Variants in MYH14 observed in about 807,000 individuals in gnomAD.
MYH14 encodes myosin-14.
MYH14 carries 123 observed loss-of-function variants against 255.5 expected under a neutral mutation model. The ratio of observed to expected loss-of-function variants is 0.48; its 90% CI spans 0.42 to 0.56. MYH14 has a LOEUF of 0.56. Among genes scored for constraint, MYH14 ranks in the 20% least tolerant of loss-of-function variants. MYH14 has a pLI of 0.00. For missense variants in MYH14, 2,423 were observed against 2,802.3 expected, an observed-to-expected ratio of 0.86 and a Z score of 3.06; for synonymous variants, 1,095 against 1,161.2, an observed-to-expected ratio of 0.94 and a Z score of 1.16.
intron 39 of MYH14, among the ~76,000 whole-genome samples, chr19:50,300,757 TAATAA>T (rs1395962921): frequency 6.6e-6 from 1 of 152,002 alleles, no homozygotes; most frequent in Non-Finnish European, 1.5e-5. Context: ...TCTAAATAAA[TAATAA>T]AATAAAATAA....
chr19:50,209,577 G>T (rs1457142960), intron 1 of MYH14, among the ~76,000 whole-genome samples: 2 of 151,978 alleles, frequency 1.3e-5, no homozygotes, highest in Non-Finnish European at 2.9e-5. Context: ...CAGGTCAGGG[G>T]ATCGAGACCA....
chr19:50,276,935 C>T lies in MYH14; in HGVS notation c.3825+34C>T, dbSNP rs1463460115. 1.4e-6 allele frequency: 2 copies of T among 1,427,088 alleles called. No individual in the cohort carries two copies. The highest frequency in any genetic ancestry group is 1.9e-6 in the Non-Finnish European group (2 of 1,037,860). The allele number at this position is 1,427,088 out of a possible 1,614,324, so 88.4% of individuals were successfully genotyped here. Reference sequence around the variant, plus strand: ...GGGCAGGGGGACAGGGCAGGGGGGCCACGGGGAGGGCAGGGCAGGACGCGG... The same window carrying T: ...GGGCAGGGGGACAGGGCAGGGGGGCTACGGGGAGGGCAGGGCAGGACGCGG... On this transcript the variant is annotated intron_variant, in intron 29 of 42. Transcript: ENST00000642316. This position sits in a 1 kb window ranked among gnomAD's most constrained non-coding sequence, Gnocchi z 4.3.
intron 39 of MYH14, among the ~76,000 whole-genome samples, chr19:50,295,005 GTTTTTTTTTTT>G (rs1195396880): frequency 7.0e-6 from 1 of 143,070 alleles, no homozygotes; most frequent in Non-Finnish European, 1.5e-5. Context: ...AAGAGATTAA[GTTTTTTTTTTT>G]TTTTTTTTTT....
chr19:50,268,218 G>A lies in MYH14; in HGVS notation c.2884G>A (p.Ala962Thr). The part of the protein sequence containing the change: ...EQLRAEAELC[A>T]EAEETRGRLA... ...ATTGCGAGCAGAGGCAGAACTGTGT[G>A]CAGAGGCCGAGGAGACGCGGGGGAG... Residue 962 changes from alanine (A) to threonine (T), a missense_variant, in exon 24 of 43, where the codon GCA becomes ACA. Around this residue, in one of 3 missense-constraint regions of MYH14, gnomAD observed 1,513 missense variants for 1,674.8 expected, o/e 0.90. Coordinates refer to ENST00000642316, the MANE Select transcript of MYH14 (RefSeq NM_001145809.2). 6.4e-7 allele frequency: 1 copy of A among 1,558,792 alleles called. No individual in the cohort carries two copies.
rs1482447029 is a variant in MYH14 at position 50,252,760 on chromosome 19, A to C, written c.1945+7A>C. On this transcript the variant is annotated splice_region_variant and intron_variant, in intron 16 of 42. Coordinates refer to ENST00000642316, the MANE Select transcript of MYH14 (RefSeq NM_001145809.2). This position sits in a 1 kb window ranked among gnomAD's most constrained non-coding sequence, Gnocchi z 4.2. ...GCAGAGATCTGGAAAGACGGTGAGG[A>C]CCCACTTCCCCCACCCCGGCTCTAG... is the stretch of plus-strand genomic sequence containing the variant. 1 of 1,563,808 alleles carries C rather than the reference A, an allele frequency of 6.4e-7. No individual in the cohort carries two copies. The highest frequency in any genetic ancestry group is 8.7e-7 in the Non-Finnish European group (1 of 1,151,088).
At chr19:50,285,861 TG>T (rs2123435294) in intron 33 of MYH14, 1 of 152,372 alleles carries the variant, frequency 6.6e-6, no homozygotes, top group East Asian at 1.9e-4. Context: ...ATTCTCCTGA[TG>T]TGTCCAGTCT....
At chr19:50,218,918 G>A (rs1321500998) in intron 3 of MYH14, among the ~76,000 whole-genome samples, 1 of 151,452 alleles carries the variant, frequency 6.6e-6, no homozygotes, top group Non-Finnish European at 1.5e-5. Context: ...TTTCATCCAG[G>A]TTGCTGTGAA....
At chr19:50,203,890 G>C (rs1431700122) in intron 1 of MYH14, among the ~76,000 whole-genome samples, 2 of 152,210 alleles carry the variant, frequency 1.3e-5, no homozygotes, top group Non-Finnish European at 2.9e-5. Flanking sequence ...AGTTGCCGCC[G>C]TGTGCGAGGC....
intron 9 of MYH14, 119 bp from the exon 10 acceptor site, chr19:50,231,810 AG>A: frequency 7.2e-7 from 1 of 1,389,448 alleles, no homozygotes. Context: ...TTGTGAGTAA[AG>A]GCCCCCACCC....
At chr19:50,307,648 G>A (rs1330605629) in intron 41 of MYH14, among the ~76,000 whole-genome samples, 2 of 152,218 alleles carry the variant, frequency 1.3e-5, no homozygotes, top group South Asian at 2.1e-4. Context: ...TAGCCCCAGA[G>A]TGTGTGTTCT....
At position 50,250,770 on chromosome 19, in the gene MYH14, G is replaced by C; in HGVS notation, c.1830+82G>C. 2 of 1,441,840 alleles carry C rather than the reference G, an allele frequency of 1.4e-6. No individual in the cohort carries two copies. The highest frequency in any genetic ancestry group is 1.9e-6 in the Non-Finnish European group (2 of 1,055,470). The allele number at this position is 1,441,840 out of a possible 1,614,324, so 89.3% of individuals were successfully genotyped here. A position where few individuals can be genotyped will look rare whatever the true frequency, so the allele number is the denominator to read the frequency against. ...TGGCTACAGATGGGGGGAGGGTGCAGAGGGAAAACAGGGTCCTCCTGAGGT... is the reference window on the plus strand; with the variant it reads ...TGGCTACAGATGGGGGGAGGGTGCACAGGGAAAACAGGGTCCTCCTGAGGT... On this transcript the variant is annotated intron_variant, in intron 15 of 42. Transcript: ENST00000642316. The surrounding 1 kb of genome is among the most constrained non-coding windows in gnomAD (Gnocchi z 5.4).
intron 12 of MYH14, 21 bp from the exon 13 acceptor site, chr19:50,248,966 A>T (rs1182118467): frequency 6.2e-7 from 1 of 1,612,290 alleles, no homozygotes; most frequent in African/African-American, 1.3e-5. Flanking sequence ...CTGCGCCCTT[A>T]CCATGAGCCC....
At chr19:50,245,729 G>A (rs75759654) in intron 11 of MYH14, among the ~76,000 whole-genome samples, 88 of 152,294 alleles carry the variant, frequency 5.8e-4, no homozygotes, top group Admixed American at 1.1e-3. Context: ...ACCCCACTAT[G>A]CTGCTGGTAA....
At chr19:50,275,511 T>A (rs1036595736) in intron 27 of MYH14, among the ~76,000 whole-genome samples, 1 of 152,208 alleles carries the variant, frequency 6.6e-6, no homozygotes, top group African/African-American at 2.4e-5. Context: ...ATTCCCACTT[T>A]ACAGCTAAGA....
Position 50,250,294 on chromosome 19 carries a change from G to T in MYH14, c.1657-221G>T, listed in dbSNP as rs2034319531. On this transcript the variant is annotated intron_variant, in intron 14 of 42. Transcript: ENST00000642316. This position sits in a 1 kb window ranked among gnomAD's most constrained non-coding sequence, Gnocchi z 5.4. The stretch of plus-strand genomic sequence containing the variant: ...TTTTTGTATTTTTAGTAGAGTCGGG[G>T]GTTTCACTGTGTTAGCCAGGATGGT... Among the ~76,000 whole-genome samples, 2 of 133,840 alleles carry T rather than the reference G, an allele frequency of 1.5e-5. No individual in the cohort carries two copies. Among genetic ancestry groups the T allele is most frequent in the Non-Finnish European group, 3.3e-5 (2 of 61,114 alleles). The allele number at this position is 133,840 out of a possible 152,430, so 87.8% of individuals were successfully genotyped here.
chr19:50,240,598 C>A (rs2033853289), intron 10 of MYH14, among the ~76,000 whole-genome samples: 1 of 150,974 alleles, frequency 6.6e-6, no homozygotes, highest in African/African-American at 2.4e-5. Flanking sequence ...AAAAAAAAAT[C>A]TATGCTAAAA....
intron 39 of MYH14, among the ~76,000 whole-genome samples, chr19:50,296,806 T>G (rs571097129): frequency 6.6e-6 from 1 of 152,362 alleles, no homozygotes; most frequent in South Asian, 2.1e-4. Flanking sequence ...TGGGGCAAGT[T>G]GAGCTTCAAT....
At chr19:50,243,890 T>C (rs2033987838) in intron 10 of MYH14, among the ~76,000 whole-genome samples, 2 of 152,246 alleles carry the variant, frequency 1.3e-5, no homozygotes, top group South Asian at 4.1e-4. Context: ...ATCATAGCGA[T>C]AGGGCAAGCC....
Position 50,206,030 on chromosome 19 carries a change from G to A in MYH14, c.-4+2359G>A, listed in dbSNP as rs760457382. On this transcript the variant is annotated intron_variant, in intron 1 of 42. Transcript: ENST00000642316. ...TGCCCAGGTGACAGTAATTAGCCCT[G>A]GCAGAGTGTTCCTGCTGGTTGAGGA... is the stretch of plus-strand genomic sequence containing the variant. Among the ~76,000 whole-genome samples the A allele has an allele frequency of 3.4e-4, 51 of 152,194 alleles. 1 individual carries two copies. Among genetic ancestry groups the A allele is most frequent in the Non-Finnish European group, 1.2e-4 (8 of 68,028 alleles).
Sources: allele counts gnomAD v4.1 joint callset (sites outside exome capture counted in the v4.1 genomes callset), GRCh38; gene constraint gnomAD v4.1.1; regional missense constraint gnomAD v4.1.1; non-coding constraint Gnocchi (gnomAD v3.1); transcripts MANE v1.5; gene names NCBI Gene and HGNC (gene_info 2026-07-23, HGNC 2026-07-21).